CELF2: variants seen among roughly 807,000 people sequenced by gnomAD.
CELF2 encodes CUG triplet repeat RNA-binding protein 2.
A neutral mutation model predicts 62.6 loss-of-function variants in CELF2; 8 were observed. The ratio of observed to expected loss-of-function variants is 0.13; its 90% CI spans 0.07 to 0.23. CELF2 has a LOEUF of 0.23. Among genes scored for constraint, CELF2 ranks in the 10% least tolerant of loss-of-function variants. The pLI is 1.00. For synonymous variants in CELF2, 258 were observed against 250.0 expected (o/e 1.03, Z -0.30); for missense variants, 333 against 671.0 (o/e 0.50, Z 5.56).
the CELF2 span, among the ~76,000 whole-genome samples, chr10:10,519,788 A>C: frequency 1.3e-5 from 2 of 152,188 alleles, no homozygotes; most frequent in East Asian, 3.8e-4. Flanking sequence ...ACCAGCAAGC[A>C]CTCAATTCAA....
At chr10:10,546,644 A>G in the CELF2 span, among the ~76,000 whole-genome samples, 15 of 152,340 alleles carry the variant, frequency 9.8e-5, no homozygotes, top group African/African-American at 3.1e-4. Context: ...CTCTCTGGTC[A>G]AGAGCACAAT....
chr10:10,467,934 A>C, the CELF2 span, among the ~76,000 whole-genome samples: 1 of 152,236 alleles, frequency 6.6e-6, no homozygotes, highest in South Asian at 2.1e-4. Flanking sequence ...AAGAAATGAT[A>C]CCAGCCACTT....
At chr10:10,486,006 A>C in the CELF2 span, among the ~76,000 whole-genome samples, 1 of 152,238 alleles carries the variant, frequency 6.6e-6, no homozygotes, top group African/African-American at 2.4e-5. Flanking sequence ...CCAATGAGTT[A>C]ATTGCATGCA....
In CELF2 at chr10:11,285,977, A is replaced by C. The variant is rs2091189495; in HGVS notation, c.842-2441A>C. ...AGAAATACATATAAATAATGTCAAC[A>C]TAGGGTATGATGAGAGCCACGAAAG... On this transcript the variant is annotated intron_variant, in intron 8 of 12. Coordinates refer to ENST00000633077, the MANE Select transcript of CELF2 (RefSeq NM_001326342.2). This position sits in a 1 kb window ranked among gnomAD's most constrained non-coding sequence, Gnocchi z 4.3. Among the ~76,000 whole-genome samples, 1 of 152,210 alleles carries C rather than the reference A, an allele frequency of 6.6e-6. No homozygotes were observed. Among genetic ancestry groups the C allele is most frequent in the African/African-American group, 2.4e-5 (1 of 41,452 alleles).
intron 1 of CELF2, among the ~76,000 whole-genome samples, chr10:10,800,747 A>T (rs561545618): frequency 2.2e-4 from 33 of 151,878 alleles, no homozygotes; most frequent in Non-Finnish European, 4.1e-4. Flanking sequence ...TCCTTCAGTG[A>T]TTTTTTTTCT....
chr10:11,195,421 A>G, intron 2 of CELF2, among the ~76,000 whole-genome samples: 1 of 152,180 alleles, frequency 6.6e-6, no homozygotes, highest in East Asian at 1.9e-4. Context: ...TTGAAGCCAG[A>G]CTTAGGTACC....
rs1409899077 is a variant in CELF2, at chr10:11,311,335, A to G, written c.977-2804A>G. Among the ~76,000 whole-genome samples, 1 of 152,234 alleles carries G rather than the reference A, an allele frequency of 6.6e-6. No homozygotes were observed. Among genetic ancestry groups the G allele is most frequent in the East Asian group, 1.9e-4 (1 of 5,204 alleles). On this transcript the variant is annotated intron_variant, in intron 9 of 12. Transcript: ENST00000633077. This position sits in a 1 kb window ranked among gnomAD's most constrained non-coding sequence, Gnocchi z 4.7. The stretch of plus-strand genomic sequence containing the variant: ...GTATCCCCAGCTTGTAGTTTCCTCC[A>G]GCACCTTGTAGAATCAAATGTAAGT...
chr10:10,782,431 G>A, the CELF2 span, among the ~76,000 whole-genome samples: 34 of 152,294 alleles, frequency 2.2e-4, no homozygotes, highest in East Asian at 6.4e-3. Context: ...TTCTGTTCTA[G>A]TCGGGCCTTC....
intron 2 of CELF2, among the ~76,000 whole-genome samples, chr10:11,171,802 G>T (rs971549443): frequency 9.2e-5 from 14 of 152,146 alleles, no homozygotes; most frequent in African/African-American, 3.4e-4. Context: ...AGTGCTGCTG[G>T]CATGGTCTAA....
the CELF2 span, among the ~76,000 whole-genome samples, chr10:10,570,285 C>A: frequency 2.0e-5 from 3 of 152,094 alleles, no homozygotes; most frequent in African/African-American, 7.2e-5. Flanking sequence ...CATTGTGCAT[C>A]CCAGGAGCAG....
At chr10:11,077,454 C>A (rs1175572336) in intron 1 of CELF2, among the ~76,000 whole-genome samples, 1 of 152,158 alleles carries the variant, frequency 6.6e-6, no homozygotes, top group Non-Finnish European at 1.5e-5. Context: ...AGACCTGATG[C>A]CCTAAGCGTG....
At chr10:11,240,058 A>C (rs1467355201) in intron 3 of CELF2, among the ~76,000 whole-genome samples, 2 of 152,180 alleles carry the variant, frequency 1.3e-5, no homozygotes, top group Non-Finnish European at 2.9e-5. Context: ...ATCTCAAAAA[A>C]AGTTTTTTGT....
At chr10:11,233,832 G>A (rs1454821817) in intron 3 of CELF2, among the ~76,000 whole-genome samples, 1 of 152,204 alleles carries the variant, frequency 6.6e-6, no homozygotes, top group Non-Finnish European at 1.5e-5. Flanking sequence ...GCACAGCAAG[G>A]GTGAGGGGAT....
At chr10:11,028,350 A>G (rs1463323127) in intron 1 of CELF2, among the ~76,000 whole-genome samples, 1 of 152,128 alleles carries the variant, frequency 6.6e-6, no homozygotes, top group African/African-American at 2.4e-5. Flanking sequence ...GCTGGTTCTG[A>G]CATAATGGGA....
chr10:10,730,561 T>C, the CELF2 span, among the ~76,000 whole-genome samples: 1 of 152,194 alleles, frequency 6.6e-6, no homozygotes, highest in African/African-American at 2.4e-5. Flanking sequence ...TACTAGTAAC[T>C]GAAAACACGC....
chr10:11,180,571 C>T (rs1442161327), intron 2 of CELF2, among the ~76,000 whole-genome samples: 3 of 152,150 alleles, frequency 2.0e-5, no homozygotes. Flanking sequence ...ACGCTATCTC[C>T]CAGTGACAGC....
the CELF2 span, among the ~76,000 whole-genome samples, chr10:10,668,678 C>A: frequency 6.6e-6 from 1 of 152,276 alleles, no homozygotes; most frequent in Non-Finnish European, 1.5e-5. Flanking sequence ...TACATATAGG[C>A]CAAGCACAGT....
chr10:11,019,902 A>C (rs1305084782), intron 1 of CELF2, among the ~76,000 whole-genome samples: 2 of 152,202 alleles, frequency 1.3e-5, no homozygotes, highest in African/African-American at 4.8e-5. Flanking sequence ...GGTCCAGGCT[A>C]AACTGAAGAA....
chr10:11,156,717 GC>G lies in CELF2; in HGVS notation c.75-8768del, dbSNP rs1479158154. Among the ~76,000 whole-genome samples, 2 of 152,258 alleles carry G rather than the reference GC, an allele frequency of 1.3e-5. No individual in the cohort carries two copies. Among genetic ancestry groups the G allele is most frequent in the South Asian group, 2.1e-4 (1 of 4,824 alleles). ...ACACTTCCACCATGCACTTGATGGG[GC>G]TTCCGTGAATCGCTGTTTCTGAGGT... On this transcript the variant is annotated intron_variant, in intron 1 of 12. Transcript: ENST00000633077. This position sits in a 1 kb window ranked among gnomAD's most constrained non-coding sequence, Gnocchi z 4.3.
Sources: allele counts gnomAD v4.1 joint callset (sites outside exome capture counted in the v4.1 genomes callset), GRCh38; gene constraint gnomAD v4.1.1; non-coding constraint Gnocchi (gnomAD v3.1); transcripts MANE v1.5; gene names NCBI Gene and HGNC (gene_info 2026-07-23, HGNC 2026-07-21).